ATP1A3: variants seen among roughly 807,000 people sequenced by gnomAD.
ATP1A3 encodes the protein sodium/potassium-transporting ATPase subunit alpha-3.
Under a neutral mutation model 108.8 loss-of-function variants are expected in ATP1A3, and 12 were observed. The observed-to-expected ratio is 0.11, with a 90% CI of 0.07 to 0.18. The LOEUF is 0.18. Among genes scored for constraint, ATP1A3 ranks in the 10% least tolerant of loss-of-function variants. The probability of loss-of-function intolerance (pLI) is 1.00; values close to 1 mark genes in which losing one functional copy is unlikely to be tolerated. For missense variants in ATP1A3, 498 were observed against 1,387.7 expected, an observed-to-expected ratio of 0.36 and a Z score of 10.19; for synonymous variants, 539 against 564.5, an observed-to-expected ratio of 0.95 and a Z score of 0.64.
At chr19:41,976,905 A>G in intron 14 of ATP1A3, among the ~76,000 whole-genome samples, 1 of 151,912 alleles carries the variant, frequency 6.6e-6, no homozygotes, top group East Asian at 1.9e-4. Flanking sequence ...CTTGGGTTCA[A>G]GTGATTTTCC....
chr19:41,972,919 G>T, intron 16 of ATP1A3, among the ~76,000 whole-genome samples: 1 of 135,664 alleles, frequency 7.4e-6, no homozygotes, highest in South Asian at 2.7e-4. Context: ...GGGAGGGAGG[G>T]AAGGGAAGGT....
chr19:41,983,766 ATTTTTTT>A (rs556483707), intron 8 of ATP1A3, among the ~76,000 whole-genome samples: 10 of 101,248 alleles, frequency 9.9e-5, no homozygotes, highest in East Asian at 2.7e-4. Context: ...ATTTAAAAAA[ATTTTTTT>A]TTTTTTTTTT....
Position 41,994,226 on chromosome 19 carries a change from A to G in ATP1A3, c.-150T>C, listed in dbSNP as rs2075366398. ...TCCGTCCGTTGGTCCCACCGCACAG[A>G]GGCTGCGGCGGCCGCCGCCTCCGCC... is the stretch of plus-strand genomic sequence containing the variant. On this transcript the variant is annotated 5_prime_UTR_variant, in exon 1 of 23. Coordinates refer to ENST00000648268, the MANE Select transcript of ATP1A3 (RefSeq NM_152296.5). 1 of 709,580 alleles carries G rather than the reference A, an allele frequency of 1.4e-6. No homozygotes were observed. Among genetic ancestry groups the G allele is most frequent in the Non-Finnish European group, 2.1e-6 (1 of 478,970 alleles). 44.0% of individuals were successfully genotyped at this position (709,580 alleles called of 1,614,324 possible). A position where few individuals can be genotyped will look rare whatever the true frequency, so the allele number is the denominator to read the frequency against.
Position 41,985,886 on chromosome 19 carries a change from A to G in ATP1A3, c.584T>C (p.Ile195Thr). 6.2e-7 allele frequency: 1 copy of G among 1,614,034 alleles called. No individual in the cohort carries two copies. Among genetic ancestry groups the G allele is most frequent in the Non-Finnish European group, 8.5e-7 (1 of 1,179,984 alleles). The change falls in exon 6 of 23, where the codon ATC becomes ACC. Residue 195 changes from isoleucine (I) to threonine (T), a missense_variant. Physicochemically the swap from Ile to Thr is moderately conservative, Grantham distance 89. Around this residue, in one of 9 missense-constraint regions of ATP1A3, gnomAD observed 127 missense variants for 464.0 expected, o/e 0.27. Coordinates refer to ENST00000648268, the MANE Select transcript of ATP1A3 (RefSeq NM_152296.5). The surrounding 1 kb of genome is among the most constrained non-coding windows in gnomAD (Gnocchi z 8.2). ...CACCTTGCAGCCGTGGGCTGAGATG[A>G]TCCGCAGGTCAGCTGGCACTCGGTC... The part of the protein sequence containing the change: ...GGDRVPADLR[I>T]ISAHGCKVDN...
chr19:41,973,415 C>T (rs976160184), intron 16 of ATP1A3, among the ~76,000 whole-genome samples: 7 of 152,112 alleles, frequency 4.6e-5, no homozygotes, highest in Non-Finnish European at 1.0e-4. Context: ...AACACCACGC[C>T]CTGCTAATTT....
rs782250510 is a variant in ATP1A3 at position 41,967,209 on chromosome 19, GC to G, written c.3013+39del. The stretch of plus-strand genomic sequence containing the variant: ...GGGACCAGCTGCCTGAGACCCTGCT[GC>G]CCCCCGCCCCCCTCGGCTGCCTTGC... On this transcript the variant is annotated intron_variant, in intron 22 of 22. Transcript: ENST00000648268. The surrounding 1 kb of genome is among the most constrained non-coding windows in gnomAD (Gnocchi z 4.2). 9.3e-6 allele frequency: 15 copies of G among 1,613,358 alleles called. No homozygotes were observed. The East Asian group carries it at 3.3e-4, about 36-fold the overall frequency.
In ATP1A3 at chr19:41,978,932, G is replaced by A. The variant is rs1335674871; in HGVS notation, c.1438-134C>T. On this transcript the variant is annotated intron_variant, in intron 11 of 22. Transcript: ENST00000648268. The surrounding 1 kb of genome is among the most constrained non-coding windows in gnomAD (Gnocchi z 8.3). ...CAGGGCTCCCCCACACTCTCTCACAGAGACCTCTGCTCATTCCTGTCCGCT... is the reference window on the plus strand; with the variant it reads ...CAGGGCTCCCCCACACTCTCTCACAAAGACCTCTGCTCATTCCTGTCCGCT... 4 of 733,450 alleles carry A rather than the reference G, an allele frequency of 5.5e-6. No individual in the cohort carries two copies. Among genetic ancestry groups the A allele is most frequent in the Non-Finnish European group, 9.2e-6 (4 of 435,332 alleles). 45.4% of individuals were successfully genotyped at this position (733,450 alleles called of 1,614,324 possible). A position where few individuals can be genotyped will look rare whatever the true frequency, so the allele number is the denominator to read the frequency against.
chr19:41,994,160 T>A lies in ATP1A3; in HGVS notation c.-84A>T, dbSNP rs898156846. The A allele has an allele frequency of 3.4e-5, 46 of 1,351,460 alleles. No individual in the cohort carries two copies. The African/African-American group carries it at 6.4e-4, about 19-fold the overall frequency. The allele number at this position is 1,351,460 out of a possible 1,614,324, so 83.7% of individuals were successfully genotyped here. ...CAGGCTCAGGCTTGGGCTGGGAGCC[T>A]CTGCAGCGCCCGCGCCTCGGTAGGT... On this transcript the variant is annotated 5_prime_UTR_variant, in exon 1 of 23. Coordinates refer to ENST00000648268, the MANE Select transcript of ATP1A3 (RefSeq NM_152296.5).
At chr19:41,976,714 G>A in intron 14 of ATP1A3, 148 bp from the exon 15 acceptor site, 2 of 1,163,498 alleles carry the variant, frequency 1.7e-6, no homozygotes, top group Non-Finnish European at 1.2e-6. Context: ...TCTGGGAGAA[G>A]CAGGGGAGAA....
chr19:41,983,021 C>T (rs1024888759), intron 8 of ATP1A3, among the ~76,000 whole-genome samples: 5 of 152,028 alleles, frequency 3.3e-5, no homozygotes, highest in South Asian at 2.1e-4. Flanking sequence ...TAATCCTTTG[C>T]GTATAAAAAT....
chr19:41,986,300 A>T (rs1230480314), intron 4 of ATP1A3, 71 bp from the exon 5 acceptor site: 3 of 1,481,710 alleles, frequency 2.0e-6, no homozygotes, highest in Non-Finnish European at 2.8e-6. Context: ...GCTCGCCTGG[A>T]GTCTGGGAAG....
In ATP1A3 at chr19:41,994,172, G is replaced by T. The variant is rs2075365966; in HGVS notation, c.-96C>A. 8 of 1,259,072 alleles carry T rather than the reference G, an allele frequency of 6.4e-6. No homozygotes were observed. The East Asian group carries it at 2.4e-4, about 38-fold the overall frequency. The allele number at this position is 1,259,072 out of a possible 1,614,324, so 78.0% of individuals were successfully genotyped here. A position where few individuals can be genotyped will look rare whatever the true frequency, so the allele number is the denominator to read the frequency against. On this transcript the variant is annotated 5_prime_UTR_variant, in exon 1 of 23. Transcript: ENST00000648268. ...TGGGCTGGGAGCCTCTGCAGCGCCC[G>T]CGCCTCGGTAGGTGCGCGCGTCCGT...
intron 16 of ATP1A3, among the ~76,000 whole-genome samples, chr19:41,975,113 G>A (rs1044380307): frequency 5.3e-5 from 8 of 151,704 alleles, no homozygotes; most frequent in Admixed American, 3.9e-4. Flanking sequence ...GTGCTGTGGC[G>A]CAATCTCAGC....
chr19:41,973,280 T>G (rs1446464456), intron 16 of ATP1A3, among the ~76,000 whole-genome samples: 1 of 152,172 alleles, frequency 6.6e-6, no homozygotes, highest in East Asian at 1.9e-4. Flanking sequence ...AGACAGGGTC[T>G]CGGATCTCGC....
At chr19:41,986,739 A>ATTT (rs11287033) in intron 4 of ATP1A3, 21 of 96,692 alleles carry the variant, frequency 2.2e-4, no homozygotes, top group African/African-American at 7.0e-4. Flanking sequence ...CTTTCCTGGC[A>ATTT]TTTTTTTTTT....
intron 19 of ATP1A3, 96 bp from the exon 20 acceptor site, chr19:41,969,011 C>T: frequency 1.3e-6 from 2 of 1,570,618 alleles, no homozygotes; most frequent in Non-Finnish European, 1.7e-6. Flanking sequence ...CCCGCCCCAT[C>T]CTGCATGGGG....
At chr19:41,989,722 A>C (rs2075318934) in intron 1 of ATP1A3, among the ~76,000 whole-genome samples, 1 of 151,120 alleles carries the variant, frequency 6.6e-6, no homozygotes. Flanking sequence ...TCTTGGTCTT[A>C]TTGCTTTGTT....
chr19:41,975,734 T>C lies in ATP1A3; in HGVS notation c.2158A>G (p.Ile720Val). Residue 720 changes from isoleucine to valine, a missense_variant, in exon 16 of 23, where the codon ATT (isoleucine) becomes GTT (valine). Physicochemically the swap from Ile to Val is conservative, Grantham distance 29 (BLOSUM62 3). Coordinates refer to ENST00000648268, the MANE Select transcript of ATP1A3 (RefSeq NM_152296.5). ...NDSPALKKAD[I>V]GVAMGIAGSD... Reference sequence around the variant, plus strand: ...CCAGCGATGCCCATGGCCACCCCAATGTCGGCCTTCTTCAGAGCGGGGGAG... The same window carrying C: ...CCAGCGATGCCCATGGCCACCCCAACGTCGGCCTTCTTCAGAGCGGGGGAG... 6.2e-7 allele frequency: 1 copy of C among 1,614,072 alleles called. No homozygotes were observed.
rs1013201091 is a variant in ATP1A3 at position 41,978,826 on chromosome 19, C to T, written c.1438-28G>A. 2 of 1,611,948 alleles carry T rather than the reference C, an allele frequency of 1.2e-6. No homozygotes were observed. On this transcript the variant is annotated intron_variant, in intron 11 of 22. Coordinates refer to ENST00000648268, the MANE Select transcript of ATP1A3 (RefSeq NM_152296.5). This position sits in a 1 kb window ranked among gnomAD's most constrained non-coding sequence, Gnocchi z 8.3. ...GGGGACCGATCAGAGGGTGGCGTGC[C>T]TGAGCCACGCAGACACCAGGAAGCT...
Sources: allele counts gnomAD v4.1 joint callset (sites outside exome capture counted in the v4.1 genomes callset), GRCh38; gene constraint gnomAD v4.1.1; regional missense constraint gnomAD v4.1.1; non-coding constraint Gnocchi (gnomAD v3.1); transcripts MANE v1.5; gene names NCBI Gene and HGNC (gene_info 2026-07-23, HGNC 2026-07-21).